The following MAP3K13 variants were observed in gnomAD, a reference collection of about 807,000 sequenced individuals.
MAP3K13 encodes leucine zipper-bearing kinase.
In MAP3K13, 52 loss-of-function variants were observed where a neutral mutation model predicts 104.0. The ratio of observed to expected loss-of-function variants is 0.50; its 90% confidence interval spans 0.40 to 0.63. MAP3K13 has a LOEUF of 0.63. MAP3K13 is among the 20% of genes least tolerant of loss of function. MAP3K13 has a pLI of 0.00. For missense variants in MAP3K13, 914 were observed against 1,218.5 expected, an observed-to-expected ratio of 0.75 and a Z score of 3.72; for synonymous variants, 394 against 442.2, an observed-to-expected ratio of 0.89 and a Z score of 1.37.
In MAP3K13 at chr3:185,487,172, G is replaced by GC. The variant is rs1418392329; in HGVS notation, c.*4716_*4717insC. ...CTGGCACCAACCCAGACTTTTTTTG[G>GC]GGGGGGGTGAGGGCGCAGGATCTCA... On this transcript the variant is annotated 3_prime_UTR_variant, in exon 14 of 14. Coordinates refer to ENST00000265026, the MANE Select transcript of MAP3K13 (RefSeq NM_004721.5). 6.6e-6 allele frequency: 1 copy of GC among 150,980 alleles called. No homozygotes were observed. The highest frequency in any genetic ancestry group is 1.5e-5 in the Non-Finnish European group (1 of 67,820). 9.4% of individuals were successfully genotyped at this position (150,980 alleles called of 1,614,324 possible).
At chr3:185,333,617 G>A (rs1722360751) in intron 2 of MAP3K13, among the ~76,000 whole-genome samples, 1 of 152,160 alleles carries the variant, frequency 6.6e-6, no homozygotes, top group Non-Finnish European at 1.5e-5. Flanking sequence ...ATCTGGCTGG[G>A]CACAGTGGGC....
chr3:185,425,796 A>G (rs1286767096), intron 1 of MAP3K13, among the ~76,000 whole-genome samples: 1 of 152,124 alleles, frequency 6.6e-6, no homozygotes, highest in African/African-American at 2.4e-5. Flanking sequence ...TTCACCCCTC[A>G]AGACTCAATT....
intron 1 of MAP3K13, 92 bp downstream of exon 1, chr3:185,363,460 A>G (rs1487351519): frequency 5.9e-6 from 4 of 678,848 alleles, no homozygotes; most frequent in Non-Finnish European, 7.3e-6. Context: ...TAGAAAGCTG[A>G]TATTATTGAG....
Position 185,465,736 on chromosome 3 carries a change from T to C in MAP3K13, c.1389-11T>C, listed in dbSNP as rs778218863. ...TGGTTGGCTGGGCTGACCCTGTGTT[T>C]TCTCTGACAGGCATGCGCTGGATAT... On this transcript the variant is annotated splice_polypyrimidine_tract_variant and intron_variant, in intron 8 of 13. Transcript: ENST00000265026. The C allele has an allele frequency of 6.2e-7, 1 of 1,605,884 alleles. No homozygotes were observed. Among genetic ancestry groups the C allele is most frequent in the South Asian group, 1.1e-5 (1 of 90,866 alleles).
intron 2 of MAP3K13, among the ~76,000 whole-genome samples, chr3:185,326,639 AT>A (rs922017722): frequency 1.7e-4 from 26 of 152,192 alleles, no homozygotes; most frequent in African/African-American, 6.3e-4. Context: ...ATTACCTAAA[AT>A]CACTCAGCAA....
chr3:185,445,976 T>A (rs1013176599), intron 4 of MAP3K13, among the ~76,000 whole-genome samples: 2 of 152,320 alleles, frequency 1.3e-5, no homozygotes, highest in Middle Eastern at 3.4e-3. Context: ...CATAATATTT[T>A]AATCCTTATG....
intron 2 of MAP3K13, chr3:185,292,041 A>T (rs752912514): frequency 3.1e-6 from 3 of 981,382 alleles, no homozygotes; most frequent in Non-Finnish European, 3.6e-6. Context: ...ACGGTGGCTC[A>T]TGCCTGTAAT....
intron 2 of MAP3K13, among the ~76,000 whole-genome samples, chr3:185,329,537 C>G (rs1168479532): frequency 6.6e-6 from 1 of 152,234 alleles, no homozygotes; most frequent in East Asian, 1.9e-4. Context: ...ACAGAAGTGG[C>G]AAGCAGCCTG....
chr3:185,482,730 T>C lies in MAP3K13; in HGVS notation c.*274T>C. 2.9e-6 allele frequency: 1 copy of C among 345,540 alleles called. No individual in the cohort carries two copies. The highest frequency in any genetic ancestry group is 5.3e-6 in the Non-Finnish European group (1 of 190,170). The allele number at this position is 345,540 out of a possible 1,614,324, so 21.4% of individuals were successfully genotyped here. A position where few individuals can be genotyped will look rare whatever the true frequency, so the allele number is the denominator to read the frequency against. On this transcript the variant is annotated 3_prime_UTR_variant, in exon 14 of 14. Transcript: ENST00000265026. This position sits in a 1 kb window ranked among gnomAD's most constrained non-coding sequence, Gnocchi z 4.5. ...AATATTCTAGCTACTGTAACATTGA[T>C]ATTTATTTTTGTTTGACATTTTAAC... is the stretch of plus-strand genomic sequence containing the variant.
rs1718648630 is a variant in MAP3K13 at position 185,484,890 on chromosome 3, A to G, written c.*2434A>G. ...CTAACCAGGAATTATTATGGATTTT[A>G]TGATTTTAATGAAGGAATGAAAATG... On this transcript the variant is annotated 3_prime_UTR_variant, in exon 14 of 14. Coordinates refer to ENST00000265026, the MANE Select transcript of MAP3K13 (RefSeq NM_004721.5). 1 of 152,290 alleles carries G rather than the reference A, an allele frequency of 6.6e-6. No homozygotes were observed. The highest frequency in any genetic ancestry group is 2.4e-5 in the African/African-American group (1 of 41,560). 9.4% of individuals were successfully genotyped at this position (152,290 alleles called of 1,614,324 possible).
intron 7 of MAP3K13, among the ~76,000 whole-genome samples, chr3:185,451,865 CT>C (rs2035335754): frequency 7.3e-6 from 1 of 136,518 alleles, no homozygotes; most frequent in African/African-American, 2.8e-5. Context: ...AAAACACCGC[CT>C]CAAAAAAAAA....
intron 2 of MAP3K13, among the ~76,000 whole-genome samples, chr3:185,335,250 C>G (rs1401121179): frequency 1.3e-5 from 2 of 152,156 alleles, no homozygotes. Flanking sequence ...GAACATGGAA[C>G]ATACTTGGAG....
In MAP3K13 at chr3:185,473,899, A is replaced by T. The variant is rs553898570; in HGVS notation, c.2430+138A>T. 2.4e-5 allele frequency: 24 copies of T among 1,007,706 alleles called. No individual in the cohort carries two copies. The African/African-American group carries it at 3.9e-4, about 16-fold the overall frequency. 62.4% of individuals were successfully genotyped at this position (1,007,706 alleles called of 1,614,324 possible). ...CAAGATAACAGAAACATAAATAGAAATTTATTTTACTTTAAATTCGTTCTT... is the reference window on the plus strand; with the variant it reads ...CAAGATAACAGAAACATAAATAGAATTTTATTTTACTTTAAATTCGTTCTT... On this transcript the variant is annotated intron_variant, in intron 11 of 13. Coordinates refer to ENST00000265026, the MANE Select transcript of MAP3K13 (RefSeq NM_004721.5). The surrounding 1 kb of genome is among the most constrained non-coding windows in gnomAD (Gnocchi z 4.9).
intron 10 of MAP3K13, among the ~76,000 whole-genome samples, chr3:185,471,308 T>TTC (rs61268590): frequency 0.44 from 59,025 of 133,202 alleles, 12,940 homozygotes; most frequent in Middle Eastern, 0.47. Flanking sequence ...GACCTTTGCT[T>TTC]TTTTTTTTTT....
At chr3:185,409,549 G>A (rs1713309714) in intron 1 of MAP3K13, among the ~76,000 whole-genome samples, 1 of 152,054 alleles carries the variant, frequency 6.6e-6, no homozygotes. Context: ...ATGTAAACTA[G>A]TACAGCACTA....
intron 2 of MAP3K13, chr3:185,292,885 C>T: frequency 1.0e-6 from 1 of 983,750 alleles, no homozygotes; most frequent in Non-Finnish European, 1.2e-6. Flanking sequence ...TAGATTATAA[C>T]ATATTAGTGA....
intron 7 of MAP3K13, among the ~76,000 whole-genome samples, chr3:185,453,884 T>C (rs1339066711): frequency 1.5e-4 from 13 of 85,990 alleles, no homozygotes; most frequent in African/African-American, 4.9e-4. Context: ...ATATATGAGA[T>C]ATATATGTGA....
Position 185,473,708 on chromosome 3 carries a change from T to G in MAP3K13, c.2377T>G (p.Ser793Ala). 6.2e-7 allele frequency: 1 copy of G among 1,613,986 alleles called. No homozygotes were observed. ...TAGGTCTGAGTCATCCCTCGGCACC[T>G]CTCATCTCGGCACCCCTCCAGCGCT... ...GCRSESSLGT[S>A]HLGTPPALPR... The change falls in exon 11 of 14, where the codon TCT (serine) becomes GCT (alanine). Residue 793 changes from serine (S) to alanine (A), a missense_variant. Around this residue, in one of 3 missense-constraint regions of MAP3K13, gnomAD observed 583 missense variants for 737.4 expected, o/e 0.79. Coordinates refer to ENST00000265026, the MANE Select transcript of MAP3K13 (RefSeq NM_004721.5). The surrounding 1 kb of genome is among the most constrained non-coding windows in gnomAD (Gnocchi z 4.9).
chr3:185,344,774 T>C (rs1560057211), intron 2 of MAP3K13, among the ~76,000 whole-genome samples: 1 of 152,204 alleles, frequency 6.6e-6, no homozygotes, highest in Non-Finnish European at 1.5e-5. Flanking sequence ...GAAACCTCTC[T>C]TGCTCCATAG....
Sources: allele counts gnomAD v4.1 joint callset (sites outside exome capture counted in the v4.1 genomes callset), GRCh38; gene constraint gnomAD v4.1.1; regional missense constraint gnomAD v4.1.1; non-coding constraint Gnocchi (gnomAD v3.1); transcripts MANE v1.5; gene names NCBI Gene and HGNC (gene_info 2026-07-23, HGNC 2026-07-21).